Variants in GRIK2 observed in about 807,000 individuals in gnomAD.
The protein encoded by GRIK2 is glutamate receptor ionotropic, kainate 2.
A neutral mutation model predicts 100.3 loss-of-function variants in GRIK2; 32 were observed. The observed-to-expected ratio is 0.32, with a 90% CI of 0.24 to 0.43. GRIK2 has a LOEUF of 0.43. Among genes scored for constraint, GRIK2 ranks in the 20% least tolerant of loss-of-function variants. The pLI, the probability that GRIK2 is intolerant of heterozygous loss-of-function variation, is 1.00. For missense variants in GRIK2, 843 were observed against 1,114.9 expected (o/e 0.76, Z 3.47); for synonymous variants, 417 against 389.4 (o/e 1.07, Z -0.83).
At position 101,515,294 on chromosome 6, in the gene GRIK2, A is replaced by G. The variant is rs570012037; in HGVS notation, c.116-106655A>G. On this transcript the variant is annotated intron_variant, in intron 2 of 16. Transcript: ENST00000369134. ...ATACACACACACATACACACACCACAGTTTCTTTATCCACTGGCTGATTGA... is the reference window on the plus strand; with the variant it reads ...ATACACACACACATACACACACCACGGTTTCTTTATCCACTGGCTGATTGA... Among the ~76,000 whole-genome samples the G allele has an allele frequency of 2.0e-5, 3 of 151,992 alleles. No individual in the cohort carries two copies. In the East Asian group the frequency reaches 5.8e-4, roughly 29 times the overall value.
chr6:101,595,714 G>A (rs796597964), intron 2 of GRIK2, among the ~76,000 whole-genome samples: 4,312 of 127,538 alleles, frequency 0.034, 144 homozygotes, highest in African/African-American at 0.074. Context: ...GTGTGTGTGT[G>A]TGTGTATATA....
intron 9 of GRIK2, among the ~76,000 whole-genome samples, chr6:101,804,539 CAAAGA>C (rs1049352872): frequency 8.6e-5 from 13 of 151,842 alleles, no homozygotes; most frequent in African/African-American, 3.1e-4. Context: ...GTTGTTAGTT[CAAAGA>C]CTAGCAAAGC....
intron 10 of GRIK2, 135 bp from the exon 11 acceptor site, chr6:101,859,152 A>G: frequency 1.7e-6 from 1 of 576,166 alleles, no homozygotes; most frequent in South Asian, 2.4e-5. Context: ...TTCATTAATT[A>G]TAATTAGAAG....
At chr6:102,048,969 A>G (rs1771038197) in intron 15 of GRIK2, among the ~76,000 whole-genome samples, 1 of 152,176 alleles carries the variant, frequency 6.6e-6, no homozygotes, top group South Asian at 2.1e-4. Context: ...AACAAAATGT[A>G]TGAAGGATTT....
At chr6:101,548,672 C>A (rs1360437225) in intron 2 of GRIK2, among the ~76,000 whole-genome samples, 2 of 151,952 alleles carry the variant, frequency 1.3e-5, no homozygotes, top group Non-Finnish European at 2.9e-5. Context: ...TTTCTTTTAT[C>A]ATCATTGTCA....
chr6:102,019,281 C>G (rs1288683401), intron 14 of GRIK2, among the ~76,000 whole-genome samples: 1 of 152,038 alleles, frequency 6.6e-6, no homozygotes, highest in Non-Finnish European at 1.5e-5. Flanking sequence ...ATCCTCATAG[C>G]AAAGGCAGCA....
At chr6:101,723,866 T>C (rs1221140324) in intron 7 of GRIK2, among the ~76,000 whole-genome samples, 5 of 152,036 alleles carry the variant, frequency 3.3e-5, no homozygotes, top group African/African-American at 7.2e-5. Context: ...TCAAAGATAA[T>C]GTTAACATAT....
chr6:101,937,121 C>T (rs1245610433), intron 14 of GRIK2, among the ~76,000 whole-genome samples: 1 of 152,112 alleles, frequency 6.6e-6, no homozygotes, highest in Non-Finnish European at 1.5e-5. Flanking sequence ...GCTTTGGGCG[C>T]TTTAACTGAA....
intron 4 of GRIK2, among the ~76,000 whole-genome samples, chr6:101,638,672 A>G (rs1450252348): frequency 6.6e-6 from 1 of 152,112 alleles, no homozygotes; most frequent in East Asian, 1.9e-4. Context: ...CTATTGTGAC[A>G]TCTGTCATTT....
chr6:101,794,066 G>T (rs1780104813), intron 7 of GRIK2, among the ~76,000 whole-genome samples: 1 of 152,170 alleles, frequency 6.6e-6, no homozygotes, highest in African/African-American at 2.4e-5. Flanking sequence ...CGTCAGAAAA[G>T]CGCAGTATTC....
chr6:101,962,481 C>G (rs540879811), intron 14 of GRIK2, among the ~76,000 whole-genome samples: 3 of 152,202 alleles, frequency 2.0e-5, no homozygotes, highest in Non-Finnish European at 4.4e-5. Flanking sequence ...ACCATGTGTA[C>G]TTGAGAAGGG....
intron 7 of GRIK2, among the ~76,000 whole-genome samples, chr6:101,774,312 A>G (rs920132191): frequency 6.6e-6 from 1 of 152,190 alleles, no homozygotes; most frequent in Non-Finnish European, 1.5e-5. Context: ...TTTTAAATGC[A>G]AGTACCTAAT....
At chr6:101,885,258 G>A (rs1229981402) in intron 11 of GRIK2, among the ~76,000 whole-genome samples, 1 of 152,018 alleles carries the variant, frequency 6.6e-6, no homozygotes, top group Non-Finnish European at 1.5e-5. Flanking sequence ...TGTGGATAGA[G>A]TATTCAGGAG....
intron 2 of GRIK2, among the ~76,000 whole-genome samples, chr6:101,498,191 A>G (rs1442304571): frequency 6.6e-6 from 1 of 150,888 alleles, no homozygotes; most frequent in African/African-American, 2.4e-5. Flanking sequence ...TACAAAGGAC[A>G]TGAACTCATC....
intron 7 of GRIK2, among the ~76,000 whole-genome samples, chr6:101,787,771 T>A (rs925456360): frequency 2.6e-5 from 4 of 152,198 alleles, no homozygotes; most frequent in African/African-American, 9.6e-5. Flanking sequence ...AGAATGTATA[T>A]TCTGCAGTTG....
intron 14 of GRIK2, among the ~76,000 whole-genome samples, chr6:101,981,381 A>G (rs1303014840): frequency 6.6e-6 from 1 of 151,872 alleles, no homozygotes; most frequent in Non-Finnish European, 1.5e-5. Flanking sequence ...ACTTGGAGGT[A>G]CAGGGATGTG....
At chr6:101,633,275 C>G (rs1436824759) in intron 4 of GRIK2, among the ~76,000 whole-genome samples, 7 of 151,984 alleles carry the variant, frequency 4.6e-5, no homozygotes, top group African/African-American at 9.7e-5. Context: ...CACCTTTTTC[C>G]TGGAAACTCA....
At chr6:101,776,782 A>G (rs1483277412) in intron 7 of GRIK2, among the ~76,000 whole-genome samples, 2 of 152,196 alleles carry the variant, frequency 1.3e-5, no homozygotes, top group African/African-American at 2.4e-5. Flanking sequence ...TGTACATAAC[A>G]CATTGTGTAG....
At chr6:101,497,676 C>T (rs537933551) in intron 2 of GRIK2, among the ~76,000 whole-genome samples, 2 of 152,044 alleles carry the variant, frequency 1.3e-5, no homozygotes, top group Admixed American at 6.6e-5. Context: ...AGAGATATTT[C>T]TTATTTTAAA....
Sources: gnomAD v4.1 joint callset for allele counts (sites outside exome capture counted in the v4.1 genomes callset) on GRCh38, gnomAD v4.1.1 for gene constraint, MANE v1.5 for transcripts, NCBI Gene and HGNC (gene_info 2026-07-23, HGNC 2026-07-21) for gene names.